ERCC8: variants seen among roughly 807,000 people sequenced by gnomAD.
ERCC8 encodes DNA excision repair protein ERCC-8.
ERCC8 carries 52 observed loss-of-function variants against 54.9 expected under a neutral mutation model. The observed-to-expected ratio is 0.95, with a 90% confidence interval of 0.76 to 1.19. The LOEUF is 1.19. Among genes scored for constraint, ERCC8 ranks in the 50% most tolerant of loss-of-function variants. ERCC8 has a pLI of 0.00. For synonymous variants in ERCC8, 146 were observed against 157.2 expected, an observed-to-expected ratio of 0.93 and a Z score of 0.53; for missense variants, 514 against 466.1, an observed-to-expected ratio of 1.10 and a Z score of -0.95.
At chr5:60,877,598 G>T (rs1481663975) in intron 11 of ERCC8, among the ~76,000 whole-genome samples, 1 of 152,144 alleles carries the variant, frequency 6.6e-6, no homozygotes, top group Non-Finnish European at 1.5e-5. Context: ...CACATCCCTT[G>T]TAAGTTGGAT....
intron 9 of ERCC8, chr5:60,892,395 C>T (rs4235483): frequency 0.35 from 192,229 of 542,060 alleles, 36,133 homozygotes; most frequent in Middle Eastern, 0.43. Context: ...TCGGTATCCT[C>T]GATGTCAAAG....
In ERCC8 at chr5:60,938,349, A is replaced by ATTTT. The variant is rs1561519358; in HGVS notation, c.77+6582_77+6583insAAAA. Among the ~76,000 whole-genome samples, 12 of 108,768 alleles carry ATTTT rather than the reference A, an allele frequency of 1.1e-4. 4 individuals are homozygous for ATTTT. Among genetic ancestry groups the ATTTT allele is most frequent in the East Asian group, 2.4e-4 (1 of 4,126 alleles). 71.4% of individuals were successfully genotyped at this position (108,768 alleles called of 152,430 possible). A position where few individuals can be genotyped will look rare whatever the true frequency, so the allele number is the denominator to read the frequency against. ...GGCCTGTAAGATAGCTACCTTTTTGAATTTTTTTTTTTTTTTTTTTTTTGA... is the reference window on the plus strand; with the variant it reads ...GGCCTGTAAGATAGCTACCTTTTTGATTTTATTTTTTTTTTTTTTTTTTTTTTGA... On this transcript the variant is annotated intron_variant, in intron 1 of 11. Coordinates refer to ENST00000676185, the MANE Select transcript of ERCC8 (RefSeq NM_000082.4).
Position 60,944,972 on chromosome 5 carries a change from C to G in ERCC8, c.37G>C (p.Glu13Gln). ...GCTCTCCGAAGGCGAAGAGGGTCCT[C>G]CAAACCCGTTTGGCGTGCGGACAAA... ...GFLSARQTGL[E>Q]DPLRLRRAES... The change falls in exon 1 of 12, where the codon GAG becomes CAG. Residue 13 changes from glutamate to glutamine, a missense_variant. Physicochemically the swap from Glu to Gln is conservative, Grantham distance 29 (BLOSUM62 2). Coordinates refer to ENST00000676185, the MANE Select transcript of ERCC8 (RefSeq NM_000082.4). 1.2e-6 allele frequency: 2 copies of G among 1,614,134 alleles called. No individual in the cohort carries two copies. Among genetic ancestry groups the G allele is most frequent in the Non-Finnish European group, 1.7e-6 (2 of 1,179,994 alleles).
At chr5:60,878,755 C>G (rs1372581738) in intron 11 of ERCC8, among the ~76,000 whole-genome samples, 1 of 151,910 alleles carries the variant, frequency 6.6e-6, no homozygotes, top group East Asian at 1.9e-4. Context: ...TGATTCTGCT[C>G]TCTTTTCTTC....
At chr5:60,938,044 CATACA>C (rs1750126339) in intron 1 of ERCC8, among the ~76,000 whole-genome samples, 1 of 16,702 alleles carries the variant, frequency 6.0e-5, no homozygotes, top group Non-Finnish European at 1.1e-4. Context: ...TACATACATA[CATACA>C]TATATATATA....
At chr5:60,924,083 G>A (rs1302143076) in intron 2 of ERCC8, among the ~76,000 whole-genome samples, 1 of 151,898 alleles carries the variant, frequency 6.6e-6, no homozygotes, top group African/African-American at 2.4e-5. Flanking sequence ...CCCCTCTCTT[G>A]TAATTTATTT....
intron 4 of ERCC8, among the ~76,000 whole-genome samples, chr5:60,917,063 C>T (rs1265718509): frequency 6.6e-6 from 1 of 151,984 alleles, no homozygotes; most frequent in East Asian, 1.9e-4. Context: ...AATCACTAAA[C>T]TGCATGATAG....
Position 60,911,590 on chromosome 5 carries a change from TTTAA to T in ERCC8, c.399+6671_399+6674del, listed in dbSNP as rs552483489. Among the ~76,000 whole-genome samples the T allele has an allele frequency of 5.3e-5, 8 of 152,324 alleles. 1 individual carries two copies. The South Asian group carries it at 1.7e-3, about 32-fold the overall frequency. ...CTTTTGCTGTGCAGAAGCTCTTTAG[TTTAA>T]TTAGATCCCACTTGTCAATTTTGAC... On this transcript the variant is annotated intron_variant, in intron 4 of 11. Transcript: ENST00000676185.
chr5:60,901,449 C>A (rs569213989), intron 7 of ERCC8, among the ~76,000 whole-genome samples: 1 of 152,162 alleles, frequency 6.6e-6, no homozygotes, highest in South Asian at 2.1e-4. Flanking sequence ...AGCTCCCTCA[C>A]TCTTTCAATC....
chr5:60,866,693 C>A lies in ERCC8; in HGVS notation c.*7922G>T, dbSNP rs1374947743. On this transcript the variant is annotated 3_prime_UTR_variant, in exon 12 of 12. Coordinates refer to ENST00000676185, the MANE Select transcript of ERCC8 (RefSeq NM_000082.4). ...ATAAAACTTTTATAATGACACTCTA[C>A]CTCTGCCTTCAATGAACTTTAATTA... 1 of 152,200 alleles carries A rather than the reference C, an allele frequency of 6.6e-6. No individual in the cohort carries two copies. Among genetic ancestry groups the A allele is most frequent in the African/African-American group, 2.4e-5 (1 of 41,442 alleles). 9.4% of individuals were successfully genotyped at this position (152,200 alleles called of 1,614,324 possible).
intron 11 of ERCC8, among the ~76,000 whole-genome samples, chr5:60,877,780 A>T (rs1352296055): frequency 6.6e-6 from 1 of 152,192 alleles, no homozygotes; most frequent in South Asian, 2.1e-4. Context: ...GGCTGAGACA[A>T]TGGGGTTTTC....
chr5:60,875,936 C>G (rs1207801037), intron 11 of ERCC8, among the ~76,000 whole-genome samples: 1 of 151,650 alleles, frequency 6.6e-6, no homozygotes. Context: ...ATGTGCACAA[C>G]GTGCAGGTTT....
rs1243439196 is a variant in ERCC8, at chr5:60,867,302, T to G, written c.*7313A>C. 6.6e-6 allele frequency among the ~76,000 whole-genome samples: 1 copy of G among 151,326 alleles called. No individual in the cohort carries two copies. The highest frequency in any genetic ancestry group is 1.5e-5 in the Non-Finnish European group (1 of 67,792). On this transcript the variant is annotated 3_prime_UTR_variant, in exon 12 of 12. Coordinates refer to ENST00000676185, the MANE Select transcript of ERCC8 (RefSeq NM_000082.4). ...CAGAGTCTTGCTCTGTCACTCAGGGTGGAGTGCAGTGGGGCGATCTCGGCT... is the reference window on the plus strand; with the variant it reads ...CAGAGTCTTGCTCTGTCACTCAGGGGGGAGTGCAGTGGGGCGATCTCGGCT...
At chr5:60,918,115 T>A in intron 4 of ERCC8, 150 bp downstream of exon 4, 1 of 654,590 alleles carries the variant, frequency 1.5e-6, no homozygotes. Context: ...AGCCAGGATA[T>A]GAACTCAAGT....
intron 4 of ERCC8, among the ~76,000 whole-genome samples, chr5:60,908,039 T>C (rs544819596): frequency 6.6e-6 from 1 of 152,298 alleles, no homozygotes; most frequent in East Asian, 1.9e-4. Flanking sequence ...ATTTTCCTCT[T>C]TCTCTCCTTG....
chr5:60,929,007 T>C, intron 1 of ERCC8, 48 bp from the exon 2 acceptor site: 1 of 1,150,774 alleles, frequency 8.7e-7, no homozygotes, highest in Non-Finnish European at 1.3e-6. Context: ...ATTTAACATT[T>C]AAAAATTTCT....
chr5:60,883,109 C>T (rs759195176), intron 11 of ERCC8, among the ~76,000 whole-genome samples: 1 of 151,904 alleles, frequency 6.6e-6, no homozygotes, highest in Non-Finnish European at 1.5e-5. Context: ...GAAAACTCAA[C>T]AGAAAAGCAA....
intron 4 of ERCC8, among the ~76,000 whole-genome samples, chr5:60,916,245 A>G (rs1724909833): frequency 6.6e-6 from 1 of 151,822 alleles, no homozygotes; most frequent in Non-Finnish European, 1.5e-5. Context: ...CCACATTCCA[A>G]TTTCTGTCTC....
intron 9 of ERCC8, chr5:60,892,173 T>C: frequency 1.9e-6 from 1 of 523,438 alleles, no homozygotes; most frequent in South Asian, 1.5e-5. Flanking sequence ...ACATTGAGTT[T>C]AGCCCACCCC....
Sources: gnomAD v4.1 joint callset for allele counts (sites outside exome capture counted in the v4.1 genomes callset) on GRCh38, gnomAD v4.1.1 for gene constraint, MANE v1.5 for transcripts, NCBI Gene and HGNC (gene_info 2026-07-23, HGNC 2026-07-21) for gene names.